The following TUBA1C variants were observed in gnomAD, a reference collection of about 807,000 sequenced individuals.
TUBA1C encodes tubulin alpha 1c, also known as tubulin alpha-1C chain.
In TUBA1C, 16 loss-of-function variants were observed where a neutral mutation model predicts 34.9. That is an observed-to-expected ratio of 0.46 (90% CI 0.31 to 0.70). The LOEUF is 0.70. Among genes scored for constraint, TUBA1C ranks in the 30% least tolerant of loss-of-function variants. The probability of loss-of-function intolerance (pLI) is 0.05; values close to 1 mark genes in which losing one functional copy is unlikely to be tolerated. For synonymous variants in TUBA1C, 177 were observed against 215.9 expected (o/e 0.82, Z 1.58); for missense variants, 329 against 587.3 (o/e 0.56, Z 4.55).
At chr12:49,229,794 T>G (rs1196133288) in intron 1 of TUBA1C, among the ~76,000 whole-genome samples, 1 of 151,992 alleles carries the variant, frequency 6.6e-6, no homozygotes, top group East Asian at 1.9e-4. Context: ...TAAATTTATT[T>G]CATTATTTTA....
At chr12:49,241,019 A>T (rs1356337124) in intron 1 of TUBA1C, among the ~76,000 whole-genome samples, 1 of 152,110 alleles carries the variant, frequency 6.6e-6, no homozygotes, top group East Asian at 1.9e-4. Context: ...CTCCCGCCTC[A>T]GCCTCCCAAG....
At chr12:49,235,564 G>A (rs906349195) in intron 1 of TUBA1C, among the ~76,000 whole-genome samples, 13 of 151,862 alleles carry the variant, frequency 8.6e-5, no homozygotes, top group African/African-American at 2.9e-4. Context: ...GTGAAACCCC[G>A]TCTCTACTAA....
chr12:49,239,023 T>A (rs567201419), intron 1 of TUBA1C, among the ~76,000 whole-genome samples: 57 of 152,244 alleles, frequency 3.7e-4, no homozygotes, highest in Non-Finnish European at 7.4e-5. Flanking sequence ...CCCTCTCCCC[T>A]CCCTGGAAGT....
chr12:49,253,086 TAAAA>T (rs896502071), intron 1 of TUBA1C, among the ~76,000 whole-genome samples: 9 of 95,596 alleles, frequency 9.4e-5, no homozygotes, highest in African/African-American at 2.4e-4. Context: ...GACCCTATCT[TAAAA>T]AAAAAAAAAA....
intron 1 of TUBA1C, chr12:49,233,890 A>G (rs1375638689): frequency 6.6e-6 from 1 of 152,272 alleles, no homozygotes; most frequent in Non-Finnish European, 1.5e-5. Context: ...AAAAGAGGGA[A>G]GCTGAGCTCT....
chr12:49,235,952 C>G (rs138797804), intron 1 of TUBA1C, among the ~76,000 whole-genome samples: 298 of 152,324 alleles, frequency 2.0e-3, no homozygotes, highest in Middle Eastern at 0.014. Context: ...TGCTTTCCAT[C>G]AGTGCACACA....
At chr12:49,270,965 T>C (rs537555675) in intron 3 of TUBA1C, among the ~76,000 whole-genome samples, 269 of 151,894 alleles carry the variant, frequency 1.8e-3, no homozygotes, top group African/African-American at 5.7e-3. Context: ...GGCGACAGAG[T>C]GAGACTCCAT....
intron 1 of TUBA1C, among the ~76,000 whole-genome samples, chr12:49,244,565 T>G (rs1942649248): frequency 7.3e-6 from 1 of 137,268 alleles, no homozygotes; most frequent in Non-Finnish European, 1.6e-5. Context: ...CAGAGAGGTA[T>G]TTTTTTTTTT....
chr12:49,241,497 G>A (rs1565640093), intron 1 of TUBA1C, among the ~76,000 whole-genome samples: 1 of 152,158 alleles, frequency 6.6e-6, no homozygotes, highest in Non-Finnish European at 1.5e-5. Flanking sequence ...GAGGTAAGAT[G>A]GGGTGATTAT....
At chr12:49,238,960 T>C (rs959744340) in intron 1 of TUBA1C, among the ~76,000 whole-genome samples, 10 of 152,164 alleles carry the variant, frequency 6.6e-5, no homozygotes, top group African/African-American at 2.2e-4. Context: ...CTTCATTACA[T>C]AGGAATGATT....
At chr12:49,254,540 T>C (rs1047257947) in intron 1 of TUBA1C, among the ~76,000 whole-genome samples, 1 of 131,632 alleles carries the variant, frequency 7.6e-6, no homozygotes, top group African/African-American at 2.9e-5. Context: ...AGGATATATA[T>C]AGGGTGAGGT....
intron 1 of TUBA1C, among the ~76,000 whole-genome samples, chr12:49,228,864 A>G (rs1001584430): frequency 6.6e-6 from 1 of 152,110 alleles, no homozygotes. Flanking sequence ...CACCCTGTGA[A>G]GTGTGTTACT....
chr12:49,258,462 C>G (rs1372591475), intron 1 of TUBA1C, among the ~76,000 whole-genome samples: 1 of 152,094 alleles, frequency 6.6e-6, no homozygotes, highest in African/African-American at 2.4e-5. Flanking sequence ...CAGTCTCGCT[C>G]TATTGCCCAG....
chr12:49,254,504 A>C (rs927102707), intron 1 of TUBA1C, among the ~76,000 whole-genome samples: 9 of 150,120 alleles, frequency 6.0e-5, no homozygotes, highest in South Asian at 2.1e-4. Context: ...AAAAAAAAAA[A>C]AAAACGGGAA....
At position 49,273,359 on chromosome 12, in the gene TUBA1C, TC is replaced by T. The variant is rs1451667405; in HGVS notation, c.*134del. The T allele has an allele frequency of 1.0e-5, 16 of 1,543,554 alleles. No individual in the cohort carries two copies. Among genetic ancestry groups the T allele is most frequent in the Non-Finnish European group, 1.4e-5 (16 of 1,137,360 alleles). ...ATGTCGAGCTGACTTAAATACTTGATCCAGTTAAAGTTGGATGTATGAGGCT... is the reference window on the plus strand; with the variant it reads ...ATGTCGAGCTGACTTAAATACTTGATCAGTTAAAGTTGGATGTATGAGGCT... On this transcript the variant is annotated 3_prime_UTR_variant, in exon 4 of 4. Coordinates refer to ENST00000301072, the MANE Select transcript of TUBA1C (RefSeq NM_032704.5).
intron 1 of TUBA1C, among the ~76,000 whole-genome samples, chr12:49,249,544 G>A (rs927660146): frequency 5.9e-5 from 9 of 152,070 alleles, no homozygotes; most frequent in Non-Finnish European, 1.2e-4. Flanking sequence ...GAAAATCAAC[G>A]AACAAAAAGT....
chr12:49,257,505 G>A (rs527632802), intron 1 of TUBA1C, among the ~76,000 whole-genome samples: 1 of 152,168 alleles, frequency 6.6e-6, no homozygotes, highest in Admixed American at 6.5e-5. Context: ...TTGCAGGCCA[G>A]GCGAGGTGGC....
At chr12:49,246,654 G>A (rs781552382) in intron 1 of TUBA1C, among the ~76,000 whole-genome samples, 4 of 151,098 alleles carry the variant, frequency 2.6e-5, no homozygotes, top group South Asian at 4.2e-4. Context: ...TAGCCTGGGC[G>A]AAGAGCCCGT....
At chr12:49,258,607 T>C (rs1001148692) in intron 1 of TUBA1C, among the ~76,000 whole-genome samples, 3 of 151,746 alleles carry the variant, frequency 2.0e-5, no homozygotes, top group African/African-American at 4.8e-5. Flanking sequence ...TTTGTGTTTT[T>C]AGTAGAGATG....
Sources: allele counts gnomAD v4.1 joint callset (sites outside exome capture counted in the v4.1 genomes callset), GRCh38; gene constraint gnomAD v4.1.1; transcripts MANE v1.5; gene names NCBI Gene and HGNC (gene_info 2026-07-23, HGNC 2026-07-21).